Variants in NUP210L observed in about 807,000 individuals in gnomAD.
NUP210L encodes the protein nuclear pore membrane glycoprotein 210-like.
A neutral mutation model predicts 208.5 loss-of-function variants in NUP210L; 74 were observed. The ratio of observed to expected loss-of-function variants is 0.35; its 90% CI spans 0.29 to 0.43. NUP210L has a LOEUF of 0.43. NUP210L is among the 20% of genes least tolerant of loss of function. The pLI is 1.00. For synonymous variants in NUP210L, 780 were observed against 816.9 expected (o/e 0.95, Z 0.77); for missense variants, 1,843 against 2,289.4 (o/e 0.81, Z 3.98).
chr1:154,035,356 C>A (rs770483317), intron 27 of NUP210L, among the ~76,000 whole-genome samples: 10 of 150,748 alleles, frequency 6.6e-5, no homozygotes, highest in Non-Finnish European at 1.5e-4. Flanking sequence ...TTGCTTTTCT[C>A]GTTCTTTAAG....
intron 17 of NUP210L, among the ~76,000 whole-genome samples, chr1:154,063,396 T>A (rs1343933935): frequency 2.6e-5 from 4 of 152,162 alleles, no homozygotes; most frequent in Non-Finnish European, 5.9e-5. Flanking sequence ...TCTAAAGTTG[T>A]TGAGGGTGAG....
intron 1 of NUP210L, among the ~76,000 whole-genome samples, chr1:154,153,528 T>C (rs1659510179): frequency 6.6e-6 from 1 of 152,184 alleles, no homozygotes; most frequent in Admixed American, 6.5e-5. Flanking sequence ...CAGGCTGGTC[T>C]TGAACTCCTG....
chr1:154,076,928 C>T (rs1655066841), intron 16 of NUP210L, among the ~76,000 whole-genome samples: 1 of 152,094 alleles, frequency 6.6e-6, no homozygotes, highest in Non-Finnish European at 1.5e-5. Context: ...CATCTAGACA[C>T]ATCATAATCA....
intron 33 of NUP210L, among the ~76,000 whole-genome samples, chr1:154,012,771 A>C (rs1446571379): frequency 6.6e-6 from 1 of 151,426 alleles, no homozygotes; most frequent in Non-Finnish European, 1.5e-5. Context: ...TGGGAGGCCG[A>C]GGCGGGCGGC....
At chr1:154,036,645 A>C (rs2147954074) in intron 27 of NUP210L, among the ~76,000 whole-genome samples, 1 of 150,888 alleles carries the variant, frequency 6.6e-6, no homozygotes, top group East Asian at 2.0e-4. Context: ...GATTACAGGC[A>C]TGAGCTACCG....
intron 27 of NUP210L, among the ~76,000 whole-genome samples, chr1:154,042,341 G>A (rs1389542435): frequency 2.6e-5 from 4 of 151,654 alleles, no homozygotes; most frequent in South Asian, 2.1e-4. Flanking sequence ...GAGCTCATGC[G>A]ATCCACTCAC....
intron 16 of NUP210L, among the ~76,000 whole-genome samples, chr1:154,084,038 CTTTTTTTTTT>C (rs34861266): frequency 1.9e-5 from 2 of 103,612 alleles, no homozygotes; most frequent in South Asian, 3.6e-4. Context: ...CTTTTCCTTT[CTTTTTTTTTT>C]TTTTTTTTTG....
At chr1:154,095,217 T>C in intron 14 of NUP210L, 61 bp from the exon 15 acceptor site, 1 of 1,247,228 alleles carries the variant, frequency 8.0e-7, no homozygotes, top group Non-Finnish European at 1.2e-6. Context: ...TTTTCTAAAG[T>C]GAAACACTAG....
At chr1:154,127,558 T>C in intron 8 of NUP210L, 141 bp from the exon 9 acceptor site, 1 of 362,160 alleles carries the variant, frequency 2.8e-6, no homozygotes. Flanking sequence ...AGGTTCTTTT[T>C]TTTTTTTTTT....
chr1:154,007,271 A>T (rs946671556), intron 35 of NUP210L, among the ~76,000 whole-genome samples: 14 of 150,090 alleles, frequency 9.3e-5, no homozygotes, highest in Non-Finnish European at 1.5e-4. Context: ...TTATATATAT[A>T]TTTTTTTTGA....
exon 19 of NUP210L, chr1:154,061,046 C>G: frequency 6.2e-7 from 1 of 1,600,634 alleles, no homozygotes; most frequent in Non-Finnish European, 8.6e-7. Flanking sequence ...TTGGAAATTT[C>G]CTAGAAATAT....
intron 25 of NUP210L, among the ~76,000 whole-genome samples, chr1:154,048,511 G>A (rs1171345626): frequency 2.0e-5 from 3 of 152,214 alleles, no homozygotes; most frequent in Admixed American, 6.5e-5. Context: ...GGACTAATCA[G>A]TGTCACTCTA....
At chr1:154,131,141 A>G (rs921857763) in intron 7 of NUP210L, among the ~76,000 whole-genome samples, 8 of 151,728 alleles carry the variant, frequency 5.3e-5, no homozygotes, top group Middle Eastern at 3.4e-3. Flanking sequence ...GCGTGGTGGC[A>G]GGCGCCTGTA....
rs140684612 is a variant in NUP210L at position 154,124,447 on chromosome 1, T to A, written c.1326+1876A>T. 1.1e-3 allele frequency among the ~76,000 whole-genome samples: 163 copies of A among 152,214 alleles called. 1 individual carries two copies. Among genetic ancestry groups the A allele is most frequent in the African/African-American group, 3.8e-3 (157 of 41,528 alleles). On this transcript the variant is annotated intron_variant, in intron 10 of 39. Transcript: ENST00000368559. ...AGGATACTTATGTATTTTGGAGGCA[T>A]TAGAAACAGATTCATTCCTTATCCC... is the stretch of plus-strand genomic sequence containing the variant.
intron 7 of NUP210L, among the ~76,000 whole-genome samples, chr1:154,129,612 A>C (rs1420529516): frequency 6.6e-6 from 1 of 152,204 alleles, no homozygotes; most frequent in Non-Finnish European, 1.5e-5. Context: ...TTGTGCTTTT[A>C]ATATTAACGT....
chr1:154,018,119 G>A (rs988387834), intron 33 of NUP210L, among the ~76,000 whole-genome samples: 1 of 151,802 alleles, frequency 6.6e-6, no homozygotes, highest in Non-Finnish European at 1.5e-5. Flanking sequence ...CTACAGATGT[G>A]AGCCACCAGG....
chr1:154,146,049 C>A (rs2148152407), intron 2 of NUP210L, among the ~76,000 whole-genome samples: 1 of 152,194 alleles, frequency 6.6e-6, no homozygotes, highest in South Asian at 2.1e-4. Context: ...AAATATAATT[C>A]TTTAATATAA....
chr1:154,103,754 T>A (rs936170855), intron 13 of NUP210L, among the ~76,000 whole-genome samples: 7 of 151,952 alleles, frequency 4.6e-5, no homozygotes, highest in Non-Finnish European at 8.8e-5. Context: ...AAAACTGATA[T>A]TGGCCAGCTG....
At chr1:154,143,545 C>A in exon 3 of NUP210L, 1 of 1,613,896 alleles carries the variant, frequency 6.2e-7, no homozygotes, top group South Asian at 1.1e-5. Context: ...ATCACATCAA[C>A]CTTAACATCA....
Sources: allele counts gnomAD v4.1 joint callset (sites outside exome capture counted in the v4.1 genomes callset), GRCh38; gene constraint gnomAD v4.1.1; transcripts MANE v1.5; gene names NCBI Gene and HGNC (gene_info 2026-07-23, HGNC 2026-07-21).